Variants in RGS20 observed in about 807,000 individuals in gnomAD.
RGS20 encodes the protein gz-selective GTPase-activating protein.
Under a neutral mutation model 33.6 loss-of-function variants are expected in RGS20, and 30 were observed. The ratio of observed to expected loss-of-function variants is 0.89; its 90% CI spans 0.67 to 1.21. The LOEUF is 1.21. Ranked by LOEUF, RGS20 falls within the 50% of genes most tolerant of loss-of-function variation. The pLI is 0.00. For missense variants in RGS20, 472 were observed against 502.4 expected (o/e 0.94, Z 0.58); for synonymous variants, 208 against 197.9 (o/e 1.05, Z -0.43).
At chr8:53,867,136 C>T (rs1167909675) in intron 1 of RGS20, among the ~76,000 whole-genome samples, 1 of 152,138 alleles carries the variant, frequency 6.6e-6, no homozygotes, top group Non-Finnish European at 1.5e-5. Flanking sequence ...TCGCTCTGTG[C>T]TTTAGCCAAC....
At chr8:53,855,114 G>C (rs1811644261) in intron 1 of RGS20, among the ~76,000 whole-genome samples, 1 of 152,118 alleles carries the variant, frequency 6.6e-6, no homozygotes, top group South Asian at 2.1e-4. Flanking sequence ...GCCCAGGCTG[G>C]AGTGCAGTGG....
chr8:53,920,233 A>G (rs1813603337), intron 2 of RGS20, among the ~76,000 whole-genome samples: 1 of 152,096 alleles, frequency 6.6e-6, no homozygotes, highest in Admixed American at 6.5e-5. Context: ...TATAAATCTT[A>G]TAATTCTTTT....
At chr8:53,886,809 C>G (rs1812558855) in intron 2 of RGS20, among the ~76,000 whole-genome samples, 1 of 152,150 alleles carries the variant, frequency 6.6e-6, no homozygotes, top group South Asian at 2.1e-4. Flanking sequence ...GACTTTAACC[C>G]TTTTAGGGCT....
At chr8:53,856,641 C>G (rs575701932) in intron 1 of RGS20, among the ~76,000 whole-genome samples, 1 of 152,180 alleles carries the variant, frequency 6.6e-6, no homozygotes, top group Non-Finnish European at 1.5e-5. Context: ...GAAGAGAAAG[C>G]ATTACAGCTG....
chr8:53,887,910 CTG>C (rs1222950763), intron 2 of RGS20, among the ~76,000 whole-genome samples: 1 of 151,922 alleles, frequency 6.6e-6, no homozygotes, highest in Non-Finnish European at 1.5e-5. Context: ...CCTGGGGACA[CTG>C]AGGTTGCAGT....
chr8:53,872,158 T>C (rs1812088846), intron 1 of RGS20, among the ~76,000 whole-genome samples: 1 of 152,214 alleles, frequency 6.6e-6, no homozygotes, highest in African/African-American at 2.4e-5. Flanking sequence ...CCATCTGAAG[T>C]CCTGTTAATT....
At chr8:53,867,658 T>TCTCC (rs1811951190) in intron 1 of RGS20, among the ~76,000 whole-genome samples, 1 of 143,220 alleles carries the variant, frequency 7.0e-6, no homozygotes, top group Non-Finnish European at 1.5e-5. Flanking sequence ...ACGGAAGTAG[T>TCTCC]CTTCCTTCCT....
At chr8:53,921,195 T>G (rs1181929534) in intron 2 of RGS20, among the ~76,000 whole-genome samples, 3 of 152,244 alleles carry the variant, frequency 2.0e-5, no homozygotes, top group African/African-American at 7.2e-5. Context: ...ATCCTTTTTT[T>G]ACATGTTGCT....
At chr8:53,892,389 T>C (rs1812735853) in intron 2 of RGS20, among the ~76,000 whole-genome samples, 1 of 152,242 alleles carries the variant, frequency 6.6e-6, no homozygotes, top group Non-Finnish European at 1.5e-5. Flanking sequence ...GATTACACTG[T>C]TGGTGGGACT....
chr8:53,917,499 T>C (rs1193740776), intron 2 of RGS20, among the ~76,000 whole-genome samples: 1 of 152,192 alleles, frequency 6.6e-6, no homozygotes, highest in Non-Finnish European at 1.5e-5. Flanking sequence ...CCATTTTCCT[T>C]ATATTAAACT....
chr8:53,855,400 A>G (rs899231217), intron 1 of RGS20, among the ~76,000 whole-genome samples: 4 of 152,226 alleles, frequency 2.6e-5, no homozygotes, highest in Non-Finnish European at 5.9e-5. Context: ...TTATAGACGT[A>G]GAGAACATAT....
chr8:53,867,658 TCTTCCTTCCTTCCTTCCTTCCTTC>T lies in RGS20; in HGVS notation c.166-11576_166-11553del, dbSNP rs3083109. Among the ~76,000 whole-genome samples the T allele has an allele frequency of 2.1e-5, 3 of 143,220 alleles. No individual in the cohort carries two copies. The South Asian group carries it at 7.2e-4, about 35-fold the overall frequency. 94.0% of individuals were successfully genotyped at this position (143,220 alleles called of 152,430 possible). ...GTAAATCCAACCATTACGGAAGTAG[TCTTCCTTCCTTCCTTCCTTCCTTC>T]CTTCCTTCCTTCCTTCCTTCCTTTC... On this transcript the variant is annotated intron_variant, in intron 1 of 5. Coordinates refer to ENST00000297313, the MANE Select transcript of RGS20 (RefSeq NM_170587.4).
chr8:53,942,821 T>G (rs1814343931), intron 3 of RGS20, among the ~76,000 whole-genome samples: 2 of 116,356 alleles, frequency 1.7e-5, no homozygotes, highest in East Asian at 5.4e-4. Context: ...AGACCATGTC[T>G]CCACTAAAAA....
intron 4 of RGS20, among the ~76,000 whole-genome samples, chr8:53,953,838 A>C (rs1411272880): frequency 6.6e-6 from 1 of 152,236 alleles, no homozygotes; most frequent in African/African-American, 2.4e-5. Flanking sequence ...CATTTATTCT[A>C]GCAACTTGGT....
At chr8:53,939,828 T>C in intron 3 of RGS20, 104 bp downstream of exon 2, 1 of 1,345,762 alleles carries the variant, frequency 7.4e-7, no homozygotes, top group South Asian at 1.5e-5. Flanking sequence ...TTATGGTTAA[T>C]TCAATAAGTG....
At chr8:53,950,402 C>T (rs979810931) in intron 4 of RGS20, among the ~76,000 whole-genome samples, 5 of 152,054 alleles carry the variant, frequency 3.3e-5, no homozygotes, top group African/African-American at 9.7e-5. Flanking sequence ...TTTCAGATTT[C>T]GGAATATTTG....
chr8:53,930,384 C>T (rs1205978891), intron 2 of RGS20, among the ~76,000 whole-genome samples: 3 of 152,140 alleles, frequency 2.0e-5, no homozygotes, highest in Admixed American at 6.5e-5. Flanking sequence ...TGAAGAGACC[C>T]TTACCCCACA....
chr8:53,853,023 A>G (rs1382980670), intron 1 of RGS20, among the ~76,000 whole-genome samples: 1 of 152,214 alleles, frequency 6.6e-6, no homozygotes, highest in East Asian at 1.9e-4. Flanking sequence ...ATGTGAACAA[A>G]TAACACATGA....
intron 2 of RGS20, among the ~76,000 whole-genome samples, chr8:53,900,615 C>T (rs1299014634): frequency 6.6e-6 from 1 of 152,180 alleles, no homozygotes; most frequent in Non-Finnish European, 1.5e-5. Context: ...AGACCTTTCA[C>T]ATACATTCTC....
Sources: gnomAD v4.1 joint callset for allele counts (sites outside exome capture counted in the v4.1 genomes callset) on GRCh38, gnomAD v4.1.1 for gene constraint, MANE v1.5 for transcripts, NCBI Gene and HGNC (gene_info 2026-07-23, HGNC 2026-07-21) for gene names.